GLIS3: variants seen among roughly 807,000 people sequenced by gnomAD.
GLIS3 encodes zinc finger protein GLIS3.
In GLIS3, 53 loss-of-function variants were observed where a neutral mutation model predicts 78.6. The observed-to-expected ratio is 0.67, with a 90% CI of 0.54 to 0.85. The LOEUF (loss-of-function observed/expected upper bound fraction) is 0.85. GLIS3 is among the 40% of genes least tolerant of loss of function. The pLI, the probability that GLIS3 is intolerant of heterozygous loss-of-function variation, is 0.00. For synonymous variants in GLIS3, 684 were observed against 509.9 expected (o/e 1.34, Z -4.60); for missense variants, 1,703 against 1,231.1 (o/e 1.38, Z -5.74).
chr9:4,068,181 CTT>C (rs1022216781), intron 4 of GLIS3, among the ~76,000 whole-genome samples: 2 of 152,018 alleles, frequency 1.3e-5, no homozygotes, highest in Non-Finnish European at 2.9e-5. Context: ...ACTGTAAAAA[CTT>C]AAGGCAAATT....
chr9:4,312,331 G>A (rs993971739), intron 2 of GLIS3, among the ~76,000 whole-genome samples: 10 of 152,128 alleles, frequency 6.6e-5, no homozygotes, highest in African/African-American at 2.4e-4. Flanking sequence ...AGCCAGGCAT[G>A]GTGGTGCACA....
chr9:4,228,216 A>AAAG (rs1391511504), intron 2 of GLIS3, among the ~76,000 whole-genome samples: 2 of 150,330 alleles, frequency 1.3e-5, no homozygotes, highest in African/African-American at 2.4e-5. Flanking sequence ...AAAAAAAAAA[A>AAAG]AAGAAGAAGA....
At chr9:4,433,601 C>T in the GLIS3 span, among the ~76,000 whole-genome samples, 2 of 152,152 alleles carry the variant, frequency 1.3e-5, no homozygotes, top group African/African-American at 2.4e-5. Flanking sequence ...AAATGATTTG[C>T]ATAAGGTGAA....
intron 4 of GLIS3, among the ~76,000 whole-genome samples, chr9:4,090,211 CATT>C (rs1364270532): frequency 1.4e-4 from 21 of 152,296 alleles, no homozygotes; most frequent in Admixed American, 7.8e-4. Context: ...CCACTGTCCT[CATT>C]ATCTTTTGGG....
chr9:3,894,717 CTAT>C (rs1563822019), intron 7 of GLIS3, among the ~76,000 whole-genome samples: 1 of 17,262 alleles, frequency 5.8e-5, no homozygotes, highest in African/African-American at 1.8e-4. Flanking sequence ...AACAAAACAT[CTAT>C]TTTTTTTTTT....
chr9:4,427,068 T>C, the GLIS3 span, among the ~76,000 whole-genome samples: 20 of 152,204 alleles, frequency 1.3e-4, no homozygotes, highest in African/African-American at 4.6e-4. Flanking sequence ...GTGTATGATA[T>C]GTGAATGAAA....
chr9:3,858,792 C>G (rs1455401393), intron 8 of GLIS3, among the ~76,000 whole-genome samples: 2 of 151,952 alleles, frequency 1.3e-5, no homozygotes, highest in Non-Finnish European at 2.9e-5. Flanking sequence ...CAGACAATTG[C>G]TAGGAACAAG....
At chr9:4,121,577 A>G (rs763768803) in intron 3 of GLIS3, among the ~76,000 whole-genome samples, 2 of 151,556 alleles carry the variant, frequency 1.3e-5, no homozygotes, top group Admixed American at 6.6e-5. Flanking sequence ...AATAACTTCT[A>G]TTTTACAAAG....
intron 2 of GLIS3, among the ~76,000 whole-genome samples, chr9:4,145,705 C>A (rs533200506): frequency 6.6e-6 from 1 of 152,072 alleles, no homozygotes; most frequent in African/African-American, 2.4e-5. Context: ...CCTCTCCCTT[C>A]CTCCCCTTCT....
At chr9:3,925,614 T>TGC (rs373413893) in intron 6 of GLIS3, among the ~76,000 whole-genome samples, 43 of 152,174 alleles carry the variant, frequency 2.8e-4, no homozygotes, top group African/African-American at 9.9e-4. Context: ...CGCGTGTGTG[T>TGC]GTGTGTGCGC....
intron 2 of GLIS3, chr9:4,147,433 T>C (rs887857236): frequency 3.3e-5 from 5 of 152,186 alleles, no homozygotes; most frequent in Admixed American, 1.3e-4. Flanking sequence ...GGGGCTTCCA[T>C]ATGCAGTGTC....
intron 2 of GLIS3, among the ~76,000 whole-genome samples, chr9:4,165,645 G>A (rs959825502): frequency 6.6e-6 from 1 of 152,218 alleles, no homozygotes; most frequent in African/African-American, 2.4e-5. Context: ...GATGCCTGAT[G>A]GGCGTCACTC....
At chr9:4,344,653 GAATTA>G (rs983012320) in intron 2 of GLIS3, among the ~76,000 whole-genome samples, 7 of 152,118 alleles carry the variant, frequency 4.6e-5, no homozygotes, top group Non-Finnish European at 7.3e-5. Flanking sequence ...GTGAATTTTA[GAATTA>G]AATATCTAAC....
intron 6 of GLIS3, among the ~76,000 whole-genome samples, chr9:3,925,602 C>CGTGT (rs1489857081): frequency 1.4e-5 from 2 of 145,704 alleles, no homozygotes; most frequent in South Asian, 2.2e-4. Flanking sequence ...TGTGCGTGTG[C>CGTGT]GCGCGTGTGT....
intron 2 of GLIS3, among the ~76,000 whole-genome samples, chr9:4,148,825 G>C (rs7041734): frequency 0.021 from 3,220 of 150,020 alleles, 112 homozygotes; most frequent in African/African-American, 0.073. Context: ...AGCCTGGAGT[G>C]GGGGTAACGT....
intron 2 of GLIS3, among the ~76,000 whole-genome samples, chr9:4,209,645 C>T (rs1409433013): frequency 6.6e-6 from 1 of 152,184 alleles, no homozygotes; most frequent in African/African-American, 2.4e-5. Context: ...AGGCTCACTG[C>T]TAGAGCCTTC....
the GLIS3 span, among the ~76,000 whole-genome samples, chr9:4,415,802 T>TTTCC: frequency 6.6e-6 from 1 of 151,204 alleles, no homozygotes; most frequent in African/African-American, 2.4e-5. Flanking sequence ...TTAACTTTTC[T>TTTCC]TTTTTTTATT....
intron 4 of GLIS3, among the ~76,000 whole-genome samples, chr9:4,057,654 T>C (rs1282683127): frequency 6.7e-6 from 1 of 148,364 alleles, no homozygotes; most frequent in African/African-American, 2.5e-5. Flanking sequence ...GAAGAAGAAA[T>C]AAAAAAGAAA....
At position 4,269,970 on chromosome 9, in the gene GLIS3, C is replaced by A. The variant is rs917359114; in HGVS notation, c.388+16068G>T. ...TAGTCCTTTTCTCTAGGCAAAAATG[C>A]CCCACAGGTGTTTGTAATGGTTCAT... On this transcript the variant is annotated intron_variant, in intron 2 of 10. Coordinates refer to ENST00000381971, the MANE Select transcript of GLIS3 (RefSeq NM_001042413.2). Among the ~76,000 whole-genome samples, 13 of 152,246 alleles carry A rather than the reference C, an allele frequency of 8.5e-5. No homozygotes were observed. The South Asian group carries it at 2.3e-3, about 27-fold the overall frequency.
Sources: allele counts gnomAD v4.1 joint callset (sites outside exome capture counted in the v4.1 genomes callset), GRCh38; gene constraint gnomAD v4.1.1; transcripts MANE v1.5; gene names NCBI Gene and HGNC (gene_info 2026-07-23, HGNC 2026-07-21).